The following GNL3L variants were observed in gnomAD, a reference collection of about 807,000 sequenced individuals.
GNL3L encodes guanine nucleotide-binding protein-like 3-like protein.
A neutral mutation model predicts 42.9 loss-of-function variants in GNL3L; 4 were observed. That is an observed-to-expected ratio of 0.09 (90% CI 0.05 to 0.21). The LOEUF (loss-of-function observed/expected upper bound fraction) is 0.21, where lower values mean the gene tolerates loss of function less well. GNL3L is among the 10% of genes least tolerant of loss of function. GNL3L has a pLI of 1.00. For synonymous variants in GNL3L, 159 were observed against 176.3 expected (o/e 0.90, Z 0.78); for missense variants, 412 against 481.7 (o/e 0.86, Z 1.36).
At chrX:54,542,344 G>A (rs1924649233) in intron 5 of GNL3L, among the ~76,000 whole-genome samples, 1 of 107,051 alleles carries the variant, frequency 9.3e-6, no homozygotes, top group Admixed American at 1.0e-4. Flanking sequence ...AGAACATGGG[G>A]TGTTTGGTTT....
At chrX:54,538,712 C>T (rs971154939) in intron 2 of GNL3L, among the ~76,000 whole-genome samples, 6 of 111,703 alleles carry the variant, frequency 5.4e-5, no homozygotes, top group African/African-American at 9.8e-5. Context: ...TCCCTCATCT[C>T]AGCCTGGCAC....
chrX:54,625,617 T>A (rs961077339), downstream of GNL3L, among the ~76,000 whole-genome samples: 6 of 110,992 alleles, frequency 5.4e-5, no homozygotes, highest in African/African-American at 2.0e-4. Context: ...GGGATATTGG[T>A]CGGTAATATT....
chrX:54,581,357 G>T (rs1405787649), intron 16 of GNL3L, among the ~76,000 whole-genome samples: 1 of 110,679 alleles, frequency 9.0e-6, no homozygotes, highest in Non-Finnish European at 1.9e-5. Flanking sequence ...TCAGCCTCTG[G>T]AGTAGCTGGG....
rs373190067 is a variant in GNL3L at position 54,558,585 on chromosome X, G to A, written c.1596G>A (p.Thr532=). ...CAGTGCTGCAGAGGATCATGGAGAC[G>A]GACCCCCTGCAACAGGGCCAGGCTC... ...RRSVLQRIME[T]DPLQQGQALA... Residue 532 remains threonine (T), a synonymous_variant, in exon 15 of 16, where the codon ACG becomes ACA. Transcript: ENST00000360845. The A allele has an allele frequency of 4.6e-5, 56 of 1,208,241 alleles. No homozygotes were observed. The highest frequency in any genetic ancestry group is 8.9e-5 in the East Asian group (3 of 33,724).
At chrX:54,610,191 C>T (rs761321643) in intron 16 of GNL3L, among the ~76,000 whole-genome samples, 5 of 111,663 alleles carry the variant, frequency 4.5e-5, no homozygotes, top group African/African-American at 1.3e-4. Flanking sequence ...GATTTGTGTA[C>T]ATTAATTTGT....
chrX:54,615,108 C>G (rs181460414), intron 16 of GNL3L, among the ~76,000 whole-genome samples: 1 of 112,168 alleles, frequency 8.9e-6, no homozygotes, highest in African/African-American at 3.2e-5. Flanking sequence ...AACTACCAAT[C>G]TACATTCTTT....
chrX:54,645,341 G>C, the GNL3L span, among the ~76,000 whole-genome samples: 1 of 111,642 alleles, frequency 9.0e-6, no homozygotes, highest in East Asian at 2.8e-4. Context: ...TTTTCGGTTA[G>C]AAATATAGAG....
chrX:54,645,848 T>C, the GNL3L span, among the ~76,000 whole-genome samples: 1 of 112,303 alleles, frequency 8.9e-6, no homozygotes, highest in East Asian at 2.8e-4. Flanking sequence ...ACATCATTAA[T>C]TGTAAATGTG....
intron 13 of GNL3L, among the ~76,000 whole-genome samples, chrX:54,553,274 G>A (rs1262463322): frequency 8.9e-6 from 1 of 111,943 alleles, no homozygotes; most frequent in Non-Finnish European, 1.9e-5. Flanking sequence ...GCCCTGGCTT[G>A]TGGCTCCCTG....
chrX:54,630,667 T>TTCCTTCCTTCCC, the GNL3L span, among the ~76,000 whole-genome samples: 1 of 3,098 alleles, frequency 3.2e-4, no homozygotes, highest in Non-Finnish European at 5.9e-4. Context: ...CCTTCTTTCC[T>TTCCTTCCTTCCC]TCCTTCCTTC....
chrX:54,559,373 G>A (rs1167197411), intron 15 of GNL3L, among the ~76,000 whole-genome samples: 1 of 111,625 alleles, frequency 9.0e-6, no homozygotes, highest in African/African-American at 3.3e-5. Context: ...AGGATATACA[G>A]TAAAATCTCT....
chrX:54,568,055 G>T (rs1197834874), downstream of GNL3L, among the ~76,000 whole-genome samples: 1 of 104,157 alleles, frequency 9.6e-6, no homozygotes, highest in Admixed American at 1.1e-4. Flanking sequence ...TGCAACCTCT[G>T]CCTCCCGGGT....
chrX:54,595,375 G>A (rs1415498166), intron 16 of GNL3L, among the ~76,000 whole-genome samples: 1 of 111,409 alleles, frequency 9.0e-6, no homozygotes, highest in Non-Finnish European at 1.9e-5. Flanking sequence ...CTCTCTCCTG[G>A]CCTGGAAGGT....
In GNL3L at chrX:54,558,521, G is replaced by A. The variant is rs1288969639; in HGVS notation, c.1532G>A (p.Ser511Asn). ...CGCAATGTGGACCACCGCCCTAAGAGCAACAGTATGGTGGATGTCTGCTCA... is the reference window on the plus strand; with the variant it reads ...CGCAATGTGGACCACCGCCCTAAGAACAACAGTATGGTGGATGTCTGCTCA... ...AKRNVDHRPK[S>N]NSMVDVCSVD... The change falls in exon 15 of 16, where the codon AGC (serine) becomes AAC (asparagine). Residue 511 changes from serine to asparagine, a missense_variant. By Grantham distance (46) the Ser-to-Asn change is conservative (BLOSUM62 1). Transcript: ENST00000360845. 1.1e-5 allele frequency: 13 copies of A among 1,206,210 alleles called. No homozygotes were observed. The highest frequency in any genetic ancestry group is 2.2e-5 in the Admixed American group (1 of 45,654).
chrX:54,548,359 G>T lies in GNL3L; in HGVS notation c.761G>T (p.Arg254Leu), dbSNP rs758691564. Residue 254 changes from arginine to leucine, a missense_variant, in exon 9 of 16, where the codon CGT becomes CTT. Coordinates refer to ENST00000360845, the MANE Select transcript of GNL3L (RefSeq NM_001184819.2). ...CRLGEVRTHIRVGVVGLPNVG... is the reference protein window; with the variant it reads ...CRLGEVRTHILVGVVGLPNVG... ...CTTGGTGAAGTGCGCACCCACATTCGTGTGGGTGTTGTGGGTAAGACCTGC... is the reference window on the plus strand; with the variant it reads ...CTTGGTGAAGTGCGCACCCACATTCTTGTGGGTGTTGTGGGTAAGACCTGC... The T allele has an allele frequency of 2.5e-6, 3 of 1,202,498 alleles. No individual in the cohort carries two copies. The highest frequency in any genetic ancestry group is 1.8e-5 in the South Asian group (1 of 56,545).
intron 16 of GNL3L, among the ~76,000 whole-genome samples, chrX:54,589,200 GTTA>G (rs1198492537): frequency 9.0e-6 from 1 of 111,034 alleles, no homozygotes; most frequent in African/African-American, 3.3e-5. Context: ...GTACAATTAA[GTTA>G]TTATTGACTA....
At chrX:54,615,989 A>C (rs1242467956) in intron 16 of GNL3L, among the ~76,000 whole-genome samples, 1 of 113,300 alleles carries the variant, frequency 8.8e-6, no homozygotes, top group Non-Finnish European at 1.9e-5. Context: ...GCAGTCTGTT[A>C]GCTGTTTCAC....
intron 2 of GNL3L, 83 bp downstream of exon 2, chrX:54,532,668 G>T (rs1924288753): frequency 6.0e-6 from 5 of 828,352 alleles, no homozygotes; most frequent in Non-Finnish European, 9.1e-6. Context: ...TGTTTTTTTG[G>T]TTTTTGTTTT....
At chrX:54,541,487 C>A in intron 5 of GNL3L, 98 bp downstream of exon 5, 1 of 434,717 alleles carries the variant, frequency 2.3e-6, no homozygotes, top group Non-Finnish European at 4.2e-6. Flanking sequence ...TGGAGGGGAA[C>A]AAGGGAATCA....
Sources: gnomAD v4.1 joint callset for allele counts (sites outside exome capture counted in the v4.1 genomes callset) on GRCh38, gnomAD v4.1.1 for gene constraint, MANE v1.5 for transcripts, NCBI Gene and HGNC (gene_info 2026-07-23, HGNC 2026-07-21) for gene names.